The following DMD variants were observed in gnomAD, a reference collection of about 807,000 sequenced individuals.
DMD encodes the protein mutant dystrophin.
Under a neutral mutation model 330.1 loss-of-function variants are expected in DMD, and 63 were observed. That is an observed-to-expected ratio of 0.19 (90% CI 0.16 to 0.24). DMD has a LOEUF of 0.24. DMD is among the 10% of genes least tolerant of loss of function. DMD has a pLI of 1.00. For synonymous variants in DMD, 1,223 were observed against 959.8 expected, an observed-to-expected ratio of 1.27 and a Z score of -5.07; for missense variants, 3,344 against 2,684.1, an observed-to-expected ratio of 1.25 and a Z score of -5.43.
intron 44 of DMD, among the ~76,000 whole-genome samples, chrX:32,059,101 G>T (rs2096203881): frequency 9.0e-6 from 1 of 110,890 alleles, no homozygotes; most frequent in Non-Finnish European, 1.9e-5. Flanking sequence ...GGGAAGAAAT[G>T]GTGAGATGCT....
At chrX:31,625,067 G>A (rs939066342) in intron 55 of DMD, among the ~76,000 whole-genome samples, 2 of 111,751 alleles carry the variant, frequency 1.8e-5, no homozygotes, top group African/African-American at 6.5e-5. Context: ...TGACATCTCC[G>A]AGTCTTTCAT....
At position 32,575,773 on chromosome X, in the gene DMD, C is replaced by T. The variant is rs2052975458; in HGVS notation, c.1603-1927G>A. ...TACCTGACGTGATGATGCAGATCTA[C>T]AAAGTCAAAATGTGGGAAATTTATT... is the stretch of plus-strand genomic sequence containing the variant. On this transcript the variant is annotated intron_variant, in intron 13 of 78. Transcript: ENST00000357033. 2.7e-5 allele frequency among the ~76,000 whole-genome samples: 3 copies of T among 111,701 alleles called. No homozygotes were observed. The South Asian group carries it at 1.1e-3, about 42-fold the overall frequency.
At chrX:32,395,584 T>A (rs1387407222) in intron 30 of DMD, among the ~76,000 whole-genome samples, 1 of 110,598 alleles carries the variant, frequency 9.0e-6, no homozygotes, top group African/African-American at 3.4e-5. Flanking sequence ...AAAAAAATTT[T>A]AAAAACAGAA....
At chrX:33,294,639 C>CG (rs1470516722) in intron 1 of DMD, among the ~76,000 whole-genome samples, 95 of 106,019 alleles carry the variant, frequency 9.0e-4, no homozygotes, top group African/African-American at 2.9e-3. Flanking sequence ...TGTTTACTAC[C>CG]GAAAAAAAAA....
At chrX:31,613,484 T>C (rs150820515) in intron 55 of DMD, among the ~76,000 whole-genome samples, 1 of 111,425 alleles carries the variant, frequency 9.0e-6, no homozygotes, top group Non-Finnish European at 1.9e-5. Flanking sequence ...CTACCCCAAC[T>C]GATATCAACT....
At chrX:33,120,881 A>ATC (rs2095419931) in intron 1 of DMD, among the ~76,000 whole-genome samples, 1 of 95,426 alleles carries the variant, frequency 1.0e-5, no homozygotes, top group Non-Finnish European at 2.0e-5. Flanking sequence ...ACTCTCTCAA[A>ATC]AAAAAAAAAA....
chrX:31,452,090 CA>C (rs768890819), intron 59 of DMD, among the ~76,000 whole-genome samples: 1 of 107,274 alleles, frequency 9.3e-6, no homozygotes, highest in Non-Finnish European at 1.9e-5. Flanking sequence ...AGGTTAAAGT[CA>C]AAAAAAAGAT....
intron 60 of DMD, among the ~76,000 whole-genome samples, chrX:31,421,194 C>G (rs897443317): frequency 2.7e-5 from 3 of 111,889 alleles, no homozygotes; most frequent in African/African-American, 9.7e-5. Context: ...CACGTCCCCT[C>G]CCCTTGCAGA....
At chrX:31,703,213 CTT>C (rs1457322576) in intron 52 of DMD, among the ~76,000 whole-genome samples, 1 of 111,886 alleles carries the variant, frequency 8.9e-6, no homozygotes, top group African/African-American at 3.2e-5. Flanking sequence ...TATTAAAACT[CTT>C]TACCTATCCT....
intron 1 of DMD, among the ~76,000 whole-genome samples, chrX:33,194,835 A>G (rs2050837170): frequency 8.9e-6 from 1 of 111,806 alleles, no homozygotes; most frequent in African/African-American, 3.2e-5. Context: ...TTAAAAATTC[A>G]TTATTACATG....
intron 7 of DMD, among the ~76,000 whole-genome samples, chrX:32,797,978 C>T (rs1168965147): frequency 9.0e-6 from 1 of 111,725 alleles, no homozygotes; most frequent in Non-Finnish European, 1.9e-5. Context: ...AATTCCCCAA[C>T]TGAGTAAGAA....
chrX:33,009,183 CGTATATATGT>C (rs2093509588), intron 2 of DMD, among the ~76,000 whole-genome samples: 3 of 28,398 alleles, frequency 1.1e-4, no homozygotes, highest in African/African-American at 4.4e-4. Flanking sequence ...TGTATATATA[CGTATATATGT>C]ATATATGTGT....
At chrX:32,013,690 T>C (rs986292314) in intron 44 of DMD, among the ~76,000 whole-genome samples, 6 of 111,801 alleles carry the variant, frequency 5.4e-5, no homozygotes, top group African/African-American at 2.0e-4. Flanking sequence ...CTGATGTCTA[T>C]GAAATGCAAA....
intron 54 of DMD, 54 bp from the exon 55 acceptor site, chrX:31,627,916 T>G: frequency 5.3e-4 from 512 of 971,680 alleles, no homozygotes; most frequent in Non-Finnish European, 6.8e-4. Flanking sequence ...ATGGTGCACC[T>G]AGTGAACTCC....
intron 27 of DMD, among the ~76,000 whole-genome samples, chrX:32,447,405 G>A (rs2098310088): frequency 9.0e-6 from 1 of 110,968 alleles, no homozygotes; most frequent in Non-Finnish European, 1.9e-5. Context: ...AAAGAATAAG[G>A]ATGAGTAAAG....
At chrX:33,036,074 T>G (rs1211544480) in intron 1 of DMD, among the ~76,000 whole-genome samples, 1 of 111,527 alleles carries the variant, frequency 9.0e-6, no homozygotes, top group Non-Finnish European at 1.9e-5. Flanking sequence ...GGAGTCAAAC[T>G]AAAACCAATA....
At position 32,438,136 on chromosome X, in the gene DMD, A is replaced by G. The variant is rs912181996; in HGVS notation, c.4071+105T>C. 4.5e-5 allele frequency: 40 copies of G among 884,075 alleles called. 1 individual carries two copies. Among genetic ancestry groups the G allele is most frequent in the Middle Eastern group, 2.9e-4 (1 of 3,422 alleles). 72.9% of individuals were successfully genotyped at this position (884,075 alleles called of 1,213,427 possible). The stretch of plus-strand genomic sequence containing the variant: ...GCATTGGATTGTCTCTGAAACCTGA[A>G]AGCTGAGCTAATATTTAAACTATTG... On this transcript the variant is annotated intron_variant, in intron 29 of 78. Transcript: ENST00000357033.
At chrX:33,136,317 T>G (rs2095527673) in intron 1 of DMD, among the ~76,000 whole-genome samples, 1 of 88,553 alleles carries the variant, frequency 1.1e-5, no homozygotes, top group Non-Finnish European at 2.1e-5. Flanking sequence ...CCACAACAGA[T>G]TCCTCTTAAA....
chrX:32,993,788 G>A (rs1233043793), intron 2 of DMD, among the ~76,000 whole-genome samples: 1 of 110,162 alleles, frequency 9.1e-6, no homozygotes, highest in Non-Finnish European at 1.9e-5. Context: ...AACAATGTAG[G>A]GGAGAAAAAA....
Sources: gnomAD v4.1 joint callset for allele counts (sites outside exome capture counted in the v4.1 genomes callset) on GRCh38, gnomAD v4.1.1 for gene constraint, MANE v1.5 for transcripts, NCBI Gene and HGNC (gene_info 2026-07-23, HGNC 2026-07-21) for gene names.